The following GABRB3 variants were observed in gnomAD, a reference collection of about 807,000 sequenced individuals.
The protein encoded by GABRB3 is gamma-aminobutyric acid type A receptor subunit beta3, also known as gamma-aminobutyric acid receptor subunit beta-3.
A neutral mutation model predicts 52.1 loss-of-function variants in GABRB3; 14 were observed. The ratio of observed to expected loss-of-function variants is 0.27; its 90% confidence interval spans 0.18 to 0.42. The LOEUF (loss-of-function observed/expected upper bound fraction) is 0.42, where lower values mean the gene tolerates loss of function less well. Ranked by LOEUF, GABRB3 falls within the 10% of genes least tolerant of loss-of-function variation. The pLI is 1.00. For synonymous variants in GABRB3, 260 were observed against 232.3 expected (o/e 1.12, Z -1.08); for missense variants, 307 against 609.1 (o/e 0.50, Z 5.22).
intron 3 of GABRB3, among the ~76,000 whole-genome samples, chr15:26,646,906 C>T (rs921372307): frequency 3.9e-5 from 6 of 152,082 alleles, no homozygotes; most frequent in East Asian, 1.9e-4. Context: ...TGCAGTGGTG[C>T]GATCTCGGCT....
At chr15:26,705,403 G>A (rs8039849) in intron 3 of GABRB3, among the ~76,000 whole-genome samples, 59,300 of 152,010 alleles carry the variant, frequency 0.39, 11,922 homozygotes, top group African/African-American at 0.48. Flanking sequence ...CAGCAACATC[G>A]TATTGGGGGT....
chr15:26,691,941 C>T (rs1343821051), intron 3 of GABRB3, among the ~76,000 whole-genome samples: 1 of 152,138 alleles, frequency 6.6e-6, no homozygotes, highest in East Asian at 1.9e-4. Flanking sequence ...TATAACTAAC[C>T]TGCTCACTGG....
At chr15:26,629,225 G>C (rs983494368) in intron 3 of GABRB3, 12 of 1,415,366 alleles carry the variant, frequency 8.5e-6, no homozygotes, top group African/African-American at 7.2e-5. Context: ...GCGGGGCCTG[G>C]AAAGGAGGGC....
At chr15:26,570,203 G>T (rs1186261237) in intron 6 of GABRB3, among the ~76,000 whole-genome samples, 1 of 152,168 alleles carries the variant, frequency 6.6e-6, no homozygotes, top group Non-Finnish European at 1.5e-5. Context: ...TTGAGGGTTG[G>T]CAATTATTTC....
intron 3 of GABRB3, among the ~76,000 whole-genome samples, chr15:26,752,021 T>C (rs1369368848): frequency 1.3e-5 from 2 of 152,144 alleles, no homozygotes. Context: ...AAAAACAGCA[T>C]GCTTTAAAAC....
At chr15:26,592,161 T>A (rs1891232504) in intron 4 of GABRB3, among the ~76,000 whole-genome samples, 1 of 152,200 alleles carries the variant, frequency 6.6e-6, no homozygotes, top group Non-Finnish European at 1.5e-5. Flanking sequence ...CACTCAAGAC[T>A]CTACCCAAAG....
At chr15:26,741,498 T>G (rs767731047) in intron 3 of GABRB3, among the ~76,000 whole-genome samples, 3 of 152,226 alleles carry the variant, frequency 2.0e-5, no homozygotes, top group Non-Finnish European at 4.4e-5. Context: ...TCACCCTTCT[T>G]GGTCACTTCC....
intron 3 of GABRB3, among the ~76,000 whole-genome samples, chr15:26,727,581 C>G (rs1278220645): frequency 6.6e-6 from 1 of 152,148 alleles, no homozygotes; most frequent in Non-Finnish European, 1.5e-5. Context: ...GCCTTGAAAT[C>G]AGGGATTGCT....
intron 3 of GABRB3, among the ~76,000 whole-genome samples, chr15:26,759,964 C>T (rs1198467439): frequency 1.3e-5 from 2 of 152,070 alleles, no homozygotes; most frequent in Non-Finnish European, 1.5e-5. Context: ...TAAATTCAGA[C>T]CAAAAAAACT....
At chr15:26,577,398 AGCTACTAGGGAG>A (rs1890630935) in intron 6 of GABRB3, among the ~76,000 whole-genome samples, 2 of 152,168 alleles carry the variant, frequency 1.3e-5, no homozygotes, top group Non-Finnish European at 2.9e-5. Flanking sequence ...TTGCAATTCC[AGCTACTAGGGAG>A]GCTGAGGCAG....
In GABRB3 at chr15:26,746,829, T is replaced by C. The variant is rs367808036; in HGVS notation, c.240+25573A>G. Among the ~76,000 whole-genome samples the C allele has an allele frequency of 4.6e-5, 7 of 152,024 alleles. No individual in the cohort carries two copies. The South Asian group carries it at 6.3e-4, about 14-fold the overall frequency. On this transcript the variant is annotated intron_variant, in intron 3 of 8. Transcript: ENST00000311550. ...GGTGAAACCCCATCTCTACTAAAAA[T>C]ACAAAAAATTAGCCGGGCGTGGTGG... is the stretch of plus-strand genomic sequence containing the variant.
chr15:26,588,054 C>A (rs1371618798), intron 4 of GABRB3, among the ~76,000 whole-genome samples: 1 of 152,000 alleles, frequency 6.6e-6, no homozygotes, highest in East Asian at 1.9e-4. Flanking sequence ...TGCTTAGGGT[C>A]TCTGTGACTA....
chr15:26,560,128 C>T (rs1889923994), intron 8 of GABRB3, among the ~76,000 whole-genome samples: 1 of 152,202 alleles, frequency 6.6e-6, no homozygotes, highest in East Asian at 1.9e-4. Flanking sequence ...TCCAGACCCA[C>T]AGGTTTTGTT....
intron 8 of GABRB3, among the ~76,000 whole-genome samples, chr15:26,552,296 C>A (rs1889502121): frequency 6.6e-6 from 1 of 152,212 alleles, no homozygotes; most frequent in South Asian, 2.1e-4. Context: ...TGTGAGCCAC[C>A]ACACCCAGCC....
chr15:26,673,231 C>G (rs1384035494), intron 3 of GABRB3, among the ~76,000 whole-genome samples: 1 of 152,010 alleles, frequency 6.6e-6, no homozygotes, highest in East Asian at 1.9e-4. Context: ...TCTTTCCTTC[C>G]TTTTTTCCTT....
chr15:26,584,915 G>A (rs1016398955), intron 4 of GABRB3, among the ~76,000 whole-genome samples: 5 of 152,220 alleles, frequency 3.3e-5, no homozygotes, highest in African/African-American at 1.2e-4. Context: ...GAAAGGCAGA[G>A]TGGAGCTAAA....
intron 8 of GABRB3, among the ~76,000 whole-genome samples, chr15:26,553,855 T>C (rs1177062092): frequency 1.3e-5 from 2 of 151,092 alleles, no homozygotes; most frequent in Non-Finnish European, 2.9e-5. Flanking sequence ...AAATACTGCA[T>C]GTTGCCTTTT....
intron 4 of GABRB3, among the ~76,000 whole-genome samples, chr15:26,619,718 G>A (rs950078289): frequency 4.6e-5 from 7 of 151,882 alleles, no homozygotes; most frequent in Non-Finnish European, 7.4e-5. Flanking sequence ...AATAAAAGTG[G>A]AGAAAACTGA....
chr15:26,765,261 G>A (rs942096313), intron 3 of GABRB3, among the ~76,000 whole-genome samples: 3 of 151,844 alleles, frequency 2.0e-5, no homozygotes, highest in African/African-American at 7.3e-5. Context: ...CCTCACCAGC[G>A]CTTACATATG....
Sources: allele counts gnomAD v4.1 joint callset (sites outside exome capture counted in the v4.1 genomes callset), GRCh38; gene constraint gnomAD v4.1.1; transcripts MANE v1.5; gene names NCBI Gene and HGNC (gene_info 2026-07-23, HGNC 2026-07-21).